The following SCO2 variants were observed in gnomAD, a reference collection of about 807,000 sequenced individuals.
SCO2 encodes cytochrome c oxidase assembly factor SCO2.
For missense variants in SCO2, 429 were observed against 348.7 expected (o/e 1.23, Z -1.83); for synonymous variants, 195 against 148.6 (o/e 1.31, Z -2.27).
Position 50,523,850 on chromosome 22 carries a change from G to A in SCO2, c.562C>T (p.Leu188=). 6 of 1,614,010 alleles carry A rather than the reference G, an allele frequency of 3.7e-6. No individual in the cohort carries two copies. Among genetic ancestry groups the A allele is most frequent in the Non-Finnish European group, 5.1e-6 (6 of 1,180,026 alleles). ...TTGGTGGAGCCGGTCAGACCCAACA[G>A]TCTTGGGTGGAAGTCCTGGACGTAG... ...ARYVQDFHPR[L]LGLTGSTKQV... Residue 188 remains leucine, a synonymous_variant, in exon 2 of 2, where the codon CTG becomes TTG. Transcript: ENST00000395693.
At chr22:50,525,443 T>C (rs1327568295) in intron 1 of SCO2, 29 bp downstream of exon 1, 2 of 414,818 alleles carry the variant, frequency 4.8e-6, no homozygotes, top group Non-Finnish European at 8.8e-6. Flanking sequence ...CAGGGCTACC[T>C]CCTCCCCTCC....
At chr22:50,526,308 G>A (rs1165404070), upstream of SCO2, 4 of 1,559,582 alleles carry the variant, frequency 2.6e-6, no homozygotes, top group Non-Finnish European at 3.4e-6. Context: ...CCGGCGTTCT[G>A]CGGGACTTCC....
In SCO2 at chr22:50,524,221, G is replaced by A; in HGVS notation, c.191C>T (p.Thr64Ile). ...ACCGAGTCCAGCCCCGAACAGGCCT[G>A]TGATCAGCAGCCGGGTTCGAAGCCC... ...GPGLRTRLLI[T>I]GLFGAGLGGA... Residue 64 changes from threonine to isoleucine, a missense_variant, in exon 2 of 2, where the codon ACA (threonine) becomes ATA (isoleucine). Transcript: ENST00000395693. 1 of 1,608,026 alleles carries A rather than the reference G, an allele frequency of 6.2e-7. No homozygotes were observed. Among genetic ancestry groups the A allele is most frequent in the Non-Finnish European group, 8.5e-7 (1 of 1,179,908 alleles).
At chr22:50,525,706 C>T (rs1167651103), upstream of SCO2, 8 of 1,572,370 alleles carry the variant, frequency 5.1e-6, no homozygotes, top group South Asian at 3.5e-5. Flanking sequence ...CGGCCCCCGC[C>T]TCCGCAGCCC....
chr22:50,525,714 C>A, upstream of SCO2: 2 of 1,582,166 alleles, frequency 1.3e-6, no homozygotes, highest in Non-Finnish European at 1.7e-6. Flanking sequence ...GCCTCCGCAG[C>A]CCTGGATCCT....
In SCO2 at chr22:50,524,023, AAG is replaced by A; in HGVS notation, c.387_388del (p.Phe130HisfsTer5). 6.2e-7 allele frequency: 1 copy of A among 1,613,578 alleles called. No homozygotes were observed. The highest frequency in any genetic ancestry group is 1.3e-5 in the African/African-American group (1 of 75,040). On this transcript the variant is annotated frameshift_variant, in exon 2 of 2. Transcript: ENST00000395693. LOFTEE classifies it low-confidence loss of function (END_TRUNC). ...TGGGCAGATGTCAGGGCAGTGAGTG[AAG>A]CCAAAGTACATCAGCACCCACTGGC...
chr22:50,524,594 TCCACACCTGGGCAA>T (rs1354252125), intron 1 of SCO2, 170 bp from the exon 2 acceptor site: 4 of 723,802 alleles, frequency 5.5e-6, no homozygotes, highest in African/African-American at 3.5e-5. Context: ...CCACCAAACA[TCCACACCTGGGCAA>T]CCACACCTGT....
upstream of SCO2, chr22:50,525,674 G>T: frequency 2.0e-6 from 3 of 1,529,582 alleles, no homozygotes; most frequent in Non-Finnish European, 2.7e-6. Context: ...GGAGCCCGCC[G>T]GGGGTCACGT....
intron 1 of SCO2, among the ~76,000 whole-genome samples, chr22:50,524,966 A>C (rs2069274119): frequency 6.6e-6 from 1 of 151,702 alleles, no homozygotes; most frequent in South Asian, 2.1e-4. Context: ...GCAGAGACGC[A>C]CGACACTTCC....
Position 50,523,574 on chromosome 22 carries a change from G to A in SCO2, c.*37C>T, listed in dbSNP as rs750685169. 25 of 1,607,348 alleles carry A rather than the reference G, an allele frequency of 1.6e-5. No homozygotes were observed. Among genetic ancestry groups the A allele is most frequent in the South Asian group, 1.2e-4 (11 of 90,756 alleles). On this transcript the variant is annotated 3_prime_UTR_variant, in exon 2 of 2. Coordinates refer to ENST00000395693, the MANE Select transcript of SCO2 (RefSeq NM_005138.3). ...GATCACACACACACACAGATTAAAC[G>A]CAGCCCGTTTAATGATGGGGCCCAG...
chr22:50,524,744 C>T (rs1002867388), intron 1 of SCO2: 5 of 536,430 alleles, frequency 9.3e-6, no homozygotes, highest in Non-Finnish European at 1.8e-5. Flanking sequence ...GAACTAACCA[C>T]GTTATCTATT....
chr22:50,526,305 T>G (rs1226740106), upstream of SCO2: 1 of 1,558,188 alleles, frequency 6.4e-7, no homozygotes, highest in Non-Finnish European at 8.6e-7. Context: ...CTGCCGGCGT[T>G]CTGCGGGACT....
upstream of SCO2, chr22:50,526,168 G>A (rs771543292): frequency 4.1e-5 from 60 of 1,469,312 alleles, no homozygotes; most frequent in African/African-American, 8.2e-4. Flanking sequence ...TGAGAGGCGC[G>A]GGCTCGGGAA....
rs2069308910 is a variant in SCO2 at position 50,525,521 on chromosome 22, ACCT to A, written c.-66_-64del. The A allele has an allele frequency of 5.2e-6, 3 of 571,752 alleles. No individual in the cohort carries two copies. Among genetic ancestry groups the A allele is most frequent in the Non-Finnish European group, 6.1e-6 (2 of 330,546 alleles). The allele number at this position is 571,752 out of a possible 1,614,324, so 35.4% of individuals were successfully genotyped here. ...GGACCAAGCACGAGAGGAAGCGCCG[ACCT>A]CCAGCTCCCTGCGCTCTGCCCCGCC... On this transcript the variant is annotated 5_prime_UTR_variant, in exon 1 of 2. Transcript: ENST00000395693.
chr22:50,524,989 A>C (rs955219706), intron 1 of SCO2, among the ~76,000 whole-genome samples: 1 of 151,152 alleles, frequency 6.6e-6, no homozygotes, highest in Non-Finnish European at 1.5e-5. Context: ...CCGCCACAAA[A>C]CCCCACCCTC....
At position 50,524,438 on chromosome 22, in the gene SCO2, C is replaced by T. The variant is rs1356778402; in HGVS notation, c.-13-14G>A. The T allele has an allele frequency of 1.2e-6, 2 of 1,608,564 alleles. No individual in the cohort carries two copies. The highest frequency in any genetic ancestry group is 1.3e-5 in the African/African-American group (1 of 74,828). ...GATCTGATGCTCCTGGAAACAAGCA[C>T]AGGCGTCAGGAGCCAGAAGGGAAGG... On this transcript the variant is annotated splice_polypyrimidine_tract_variant and intron_variant, in intron 1 of 1. Transcript: ENST00000395693.
At chr22:50,526,354 C>T, upstream of SCO2, 3 of 1,550,906 alleles carry the variant, frequency 1.9e-6, no homozygotes, top group Non-Finnish European at 2.6e-6. Context: ...GGATCCACGC[C>T]CTGCGCCGCC....
rs1423284152 is a variant in SCO2, at chr22:50,523,697, C to T, written c.715G>A (p.Asp239Asn). Residue 239 changes from aspartate (D) to asparagine (N), a missense_variant, in exon 2 of 2, where the codon GAT (aspartate) becomes AAT (asparagine). Asp to Asn is a conservative substitution (Grantham distance 23). Transcript: ENST00000395693. ...GCCGATCTGCTCCGGCCGTAGTAAT[C>T]CGTGAAGAGGCCGTCAGGGTTGAGC... ...YLLNPDGLFT[D>N]YYGRSRSAEQ... 1 of 1,614,094 alleles carries T rather than the reference C, an allele frequency of 6.2e-7. No individual in the cohort carries two copies. Among genetic ancestry groups the T allele is most frequent in the South Asian group, 1.1e-5 (1 of 91,092 alleles).
rs28937598 is a variant in SCO2 at position 50,523,901 on chromosome 22, G to A, written c.511C>T (p.Arg171Trp). ...QPVFITVDPE[R>W]DDVEAMARYV... is the part of the protein sequence containing the mutation. The stretch of plus-strand genomic sequence containing the variant: ...CGGGCCATGGCTTCAACGTCGTCCC[G>A]CTCGGGGTCCACAGTGATGAAGACA... Residue 171 changes from arginine to tryptophan, a missense_variant, in exon 2 of 2, where the codon CGG becomes TGG. Transcript: ENST00000395693. The A allele has an allele frequency of 6.2e-6, 10 of 1,613,642 alleles. No homozygotes were observed. The highest frequency in any genetic ancestry group is 4.4e-5 in the South Asian group (4 of 91,088).
Sources: allele counts gnomAD v4.1 joint callset (sites outside exome capture counted in the v4.1 genomes callset), GRCh38; gene constraint gnomAD v4.1.1; transcripts MANE v1.5; gene names NCBI Gene and HGNC (gene_info 2026-07-23, HGNC 2026-07-21).